SCHIP1: variants seen among roughly 807,000 people sequenced by gnomAD.
The protein encoded by SCHIP1 is schwannomin interacting protein 1.
In SCHIP1, 8 loss-of-function variants were observed where a neutral mutation model predicts 29.7. The observed-to-expected ratio is 0.27, with a 90% CI of 0.16 to 0.49. The LOEUF is 0.49. Ranked by LOEUF, SCHIP1 falls within the 20% of genes least tolerant of loss-of-function variation. The pLI, the probability that SCHIP1 is intolerant of heterozygous loss-of-function variation, is 0.99. For missense variants in SCHIP1, 193 were observed against 294.6 expected, an observed-to-expected ratio of 0.66 and a Z score of 2.52; for synonymous variants, 76 against 94.9, an observed-to-expected ratio of 0.80 and a Z score of 1.16.
the SCHIP1 span, among the ~76,000 whole-genome samples, chr3:159,361,841 C>G: frequency 3.3e-5 from 5 of 151,924 alleles, no homozygotes; most frequent in Admixed American, 6.6e-5. Flanking sequence ...TATTTTTGGC[C>G]CAAAGAATTG....
the SCHIP1 span, among the ~76,000 whole-genome samples, chr3:159,792,073 C>T: frequency 3.3e-5 from 5 of 152,138 alleles, no homozygotes; most frequent in Non-Finnish European, 4.4e-5. Context: ...AAAAATGACT[C>T]ATTTTCTTCT....
At chr3:159,740,197 A>G in the SCHIP1 span, among the ~76,000 whole-genome samples, 45,952 of 152,198 alleles carry the variant, frequency 0.3, 7,176 homozygotes, top group African/African-American at 0.38. Context: ...GAACAACTCA[A>G]TTCTCATTTG....
At chr3:159,521,334 T>G in the SCHIP1 span, among the ~76,000 whole-genome samples, 4 of 152,238 alleles carry the variant, frequency 2.6e-5, no homozygotes, top group Admixed American at 6.5e-5. Context: ...GCAAAATCCT[T>G]CTACTGCTGT....
the SCHIP1 span, among the ~76,000 whole-genome samples, chr3:159,396,674 T>A: frequency 6.6e-6 from 1 of 152,240 alleles, no homozygotes; most frequent in African/African-American, 2.4e-5. Context: ...CTTGTAGAGT[T>A]TCTGCTGAGA....
chr3:159,499,714 T>C, the SCHIP1 span, among the ~76,000 whole-genome samples: 1 of 152,230 alleles, frequency 6.6e-6, no homozygotes, highest in African/African-American at 2.4e-5. Flanking sequence ...GTAATAATCA[T>C]AGCTACCAAT....
chr3:159,846,769 T>C lies in SCHIP1; in HGVS notation c.30+6555T>C, dbSNP rs369806008. On this transcript the variant is annotated intron_variant, in intron 1 of 6. Transcript: ENST00000445224. ...AGTACTTGGTCTTCATTGTTTTGCC[T>C]GTTTAAAGTATAATTATTGTCTGCC... 2.0e-4 allele frequency among the ~76,000 whole-genome samples: 31 copies of C among 152,350 alleles called. No homozygotes were observed. The South Asian group carries it at 6.2e-3, about 31-fold the overall frequency.
chr3:159,730,345 T>G, the SCHIP1 span, among the ~76,000 whole-genome samples: 1 of 152,172 alleles, frequency 6.6e-6, no homozygotes, highest in Admixed American at 6.5e-5. Context: ...ACCTCATAGG[T>G]TTGACATGAG....
At chr3:159,329,927 A>G in the SCHIP1 span, among the ~76,000 whole-genome samples, 14 of 152,058 alleles carry the variant, frequency 9.2e-5, no homozygotes, top group Non-Finnish European at 1.3e-4. Context: ...AGTGGTGACA[A>G]TGGTTATGTC....
the SCHIP1 span, among the ~76,000 whole-genome samples, chr3:159,544,228 A>G: frequency 2.0e-5 from 3 of 152,050 alleles, no homozygotes; most frequent in African/African-American, 4.8e-5. Context: ...TTTAGTCCAC[A>G]TTAATGAGAT....
chr3:159,287,936 G>A, the SCHIP1 span, among the ~76,000 whole-genome samples: 2 of 152,294 alleles, frequency 1.3e-5, no homozygotes, highest in African/African-American at 4.8e-5. Context: ...CTTCATGTAT[G>A]ATATCAATTT....
At chr3:159,422,168 G>C in the SCHIP1 span, among the ~76,000 whole-genome samples, 1 of 152,170 alleles carries the variant, frequency 6.6e-6, no homozygotes, top group Non-Finnish European at 1.5e-5. Context: ...TGTGTGGTTA[G>C]TAATATGCTA....
chr3:159,375,502 C>T, the SCHIP1 span, among the ~76,000 whole-genome samples: 413 of 152,028 alleles, frequency 2.7e-3, 5 homozygotes, highest in South Asian at 0.027. Context: ...TTTGGGAGGC[C>T]GAGGCAGGTG....
At chr3:159,618,215 A>T in the SCHIP1 span, among the ~76,000 whole-genome samples, 5,781 of 152,244 alleles carry the variant, frequency 0.038, 268 homozygotes, top group East Asian at 0.17. Flanking sequence ...AAAGCACTGG[A>T]GATGCTCTAT....
the SCHIP1 span, among the ~76,000 whole-genome samples, chr3:159,642,096 C>G: frequency 6.6e-6 from 1 of 152,094 alleles, no homozygotes; most frequent in African/African-American, 2.4e-5. Context: ...TATGGGGAGA[C>G]TGTTTCCCCA....
chr3:159,659,006 G>A, the SCHIP1 span, among the ~76,000 whole-genome samples: 4 of 152,130 alleles, frequency 2.6e-5, no homozygotes, highest in African/African-American at 9.7e-5. Flanking sequence ...TATTCCCCTA[G>A]ACATATGCCT....
the SCHIP1 span, among the ~76,000 whole-genome samples, chr3:159,551,187 A>G: frequency 6.6e-6 from 1 of 152,194 alleles, no homozygotes; most frequent in South Asian, 2.1e-4. Context: ...TTCCCTCCAG[A>G]TTTAAGAACA....
At chr3:159,498,155 A>G in the SCHIP1 span, among the ~76,000 whole-genome samples, 1 of 152,218 alleles carries the variant, frequency 6.6e-6, no homozygotes, top group Non-Finnish European at 1.5e-5. Context: ...CCCCAATTAG[A>G]TCTACATAAA....
chr3:159,778,561 T>A, the SCHIP1 span, among the ~76,000 whole-genome samples: 7 of 152,226 alleles, frequency 4.6e-5, no homozygotes, highest in African/African-American at 1.7e-4. Flanking sequence ...CTAAAACTAT[T>A]CGACAACTGT....
the SCHIP1 span, among the ~76,000 whole-genome samples, chr3:159,503,017 C>CT: frequency 1.3e-5 from 2 of 152,208 alleles, no homozygotes; most frequent in South Asian, 4.1e-4. Context: ...GATGCCTTCT[C>CT]TCCCCAGGAG....
Sources: gnomAD v4.1 joint callset for allele counts (sites outside exome capture counted in the v4.1 genomes callset) on GRCh38, gnomAD v4.1.1 for gene constraint, MANE v1.5 for transcripts, NCBI Gene and HGNC (gene_info 2026-07-23, HGNC 2026-07-21) for gene names.